Variants in MTRF1 observed in about 807,000 individuals in gnomAD.
The protein encoded by MTRF1 is mitochondrial translation release factor 1.
In MTRF1, 51 loss-of-function variants were observed where a neutral mutation model predicts 62.9. That is an observed-to-expected ratio of 0.81 (90% confidence interval 0.65 to 1.02). The LOEUF is 1.02. Among genes scored for constraint, MTRF1 ranks in the 50% least tolerant of loss-of-function variants. MTRF1 has a pLI of 0.00. For missense variants in MTRF1, 446 were observed against 530.0 expected, an observed-to-expected ratio of 0.84 and a Z score of 1.56; for synonymous variants, 158 against 181.9, an observed-to-expected ratio of 0.87 and a Z score of 1.06.
At chr13:41,256,536 G>A (rs903123723) in intron 2 of MTRF1, among the ~76,000 whole-genome samples, 26 of 151,992 alleles carry the variant, frequency 1.7e-4, no homozygotes, top group African/African-American at 6.3e-4. Flanking sequence ...CATGTTGGCA[G>A]GCTGGTCTTC....
chr13:41,266,767 T>C (rs1594104634), upstream of MTRF1, among the ~76,000 whole-genome samples: 1 of 151,808 alleles, frequency 6.6e-6, no homozygotes, highest in South Asian at 2.1e-4. Context: ...CCGAGGTGGG[T>C]GGATCACGAG....
At position 41,240,311 on chromosome 13, in the gene MTRF1, G is replaced by A. The variant is rs762389415; in HGVS notation, c.820C>T (p.Arg274Cys). 5.0e-6 allele frequency: 8 copies of A among 1,612,978 alleles called. No homozygotes were observed. The highest frequency in any genetic ancestry group is 2.2e-5 in the East Asian group (1 of 44,818). The change falls in exon 6 of 10, where the codon CGC becomes TGC. Residue 274 changes from arginine (R) to cysteine (C), a missense_variant. Physicochemically the swap from Arg to Cys is radical, Grantham distance 180. Transcript: ENST00000379480. ...PEVGLSSRMQ[R>C]IHTGTMSVIV... ...ACCGACATCGTTCCTGTGTGAATGC[G>A]CTGCATCCTTGAGGACAGGCCCACC...
At chr13:41,281,857 C>A in the MTRF1 span, among the ~76,000 whole-genome samples, 2 of 152,260 alleles carry the variant, frequency 1.3e-5, no homozygotes, top group Non-Finnish European at 2.9e-5. Flanking sequence ...TCTGCCCAGG[C>A]CGGGCACGGT....
At chr13:41,272,400 C>T in the MTRF1 span, among the ~76,000 whole-genome samples, 1 of 152,140 alleles carries the variant, frequency 6.6e-6, no homozygotes, top group Non-Finnish European at 1.5e-5. Flanking sequence ...AAACCAAGTG[C>T]ATGATTTTTT....
In MTRF1 at chr13:41,242,742, C is replaced by T. The variant is rs539445379; in HGVS notation, c.698-2309G>A. On this transcript the variant is annotated intron_variant, in intron 5 of 9. Transcript: ENST00000379480. ...GACAAGTTTCCACAGCCTTGGAAGA[C>T]AGAGATAGTGTCTCTTTCTAGAGCA... Among the ~76,000 whole-genome samples the T allele has an allele frequency of 5.9e-5, 9 of 152,218 alleles. No homozygotes were observed. The South Asian group carries it at 1.5e-3, about 25-fold the overall frequency.
chr13:41,246,727 A>T (rs1410213084), intron 5 of MTRF1, among the ~76,000 whole-genome samples: 2 of 152,240 alleles, frequency 1.3e-5, no homozygotes, highest in Non-Finnish European at 2.9e-5. Context: ...GAGTGATGCC[A>T]CAAATTTAAA....
the MTRF1 span, among the ~76,000 whole-genome samples, chr13:41,284,949 G>T: frequency 6.6e-6 from 1 of 152,156 alleles, no homozygotes; most frequent in African/African-American, 2.4e-5. Flanking sequence ...CACTGTGCCC[G>T]GCCTGTCAAC....
the MTRF1 span, among the ~76,000 whole-genome samples, chr13:41,285,435 C>A: frequency 6.6e-6 from 1 of 152,178 alleles, no homozygotes. Flanking sequence ...AGTGATTTCC[C>A]TGGATCACCC....
chr13:41,248,138 C>G (rs1025115114), intron 5 of MTRF1, among the ~76,000 whole-genome samples: 1 of 152,114 alleles, frequency 6.6e-6, no homozygotes, highest in Non-Finnish European at 1.5e-5. Context: ...CCCCTTCACT[C>G]GAGGTACTGT....
chr13:41,309,341 AGTGTGTGTGTGT>A, the MTRF1 span, among the ~76,000 whole-genome samples: 13 of 135,662 alleles, frequency 9.6e-5, no homozygotes, highest in East Asian at 2.2e-4. Flanking sequence ...ATGCCCAGCT[AGTGTGTGTGTGT>A]GTGTGTGTGT....
chr13:41,252,927 A>C (rs1416737830), intron 4 of MTRF1, 22 bp downstream of exon 4: 1 of 1,541,290 alleles, frequency 6.5e-7, no homozygotes, highest in East Asian at 2.2e-5. Context: ...GATCATTTAA[A>C]TAATAAAGTA....
rs1367695929 is a variant in MTRF1, at chr13:41,243,426, GACTCAA to G, written c.698-2999_698-2994del. On this transcript the variant is annotated intron_variant, in intron 5 of 9. Coordinates refer to ENST00000379480, the MANE Select transcript of MTRF1 (RefSeq NM_004294.4). ...TCTCAAAAAAAAAAAAAAAAAAAAA[GACTCAA>G]TTTCCTTAAGTTCAGTGCTCTTCTC... 2.6e-3 allele frequency among the ~76,000 whole-genome samples: 271 copies of G among 102,852 alleles called. 1 individual carries two copies. Among genetic ancestry groups the G allele is most frequent in the African/African-American group, 8.9e-3 (255 of 28,660 alleles). The allele number at this position is 102,852 out of a possible 152,430, so 67.5% of individuals were successfully genotyped here. A position where few individuals can be genotyped will look rare whatever the true frequency, so the allele number is the denominator to read the frequency against.
intron 5 of MTRF1, among the ~76,000 whole-genome samples, chr13:41,247,139 A>G (rs929023569): frequency 6.6e-6 from 1 of 152,246 alleles, no homozygotes; most frequent in Non-Finnish European, 1.5e-5. Flanking sequence ...CATGCAGAAC[A>G]TTTCGTACAG....
the MTRF1 span, among the ~76,000 whole-genome samples, chr13:41,276,780 G>A: frequency 6.6e-6 from 1 of 152,116 alleles, no homozygotes; most frequent in African/African-American, 2.4e-5. Flanking sequence ...TTCTGCTAAG[G>A]AGTAGACATA....
At chr13:41,253,952 T>C (rs2039397404) in intron 3 of MTRF1, among the ~76,000 whole-genome samples, 1 of 152,194 alleles carries the variant, frequency 6.6e-6, no homozygotes, top group Non-Finnish European at 1.5e-5. Flanking sequence ...TTCATTGTCT[T>C]TGTAGACAAA....
At chr13:41,296,578 TAAC>T in the MTRF1 span, among the ~76,000 whole-genome samples, 2 of 152,206 alleles carry the variant, frequency 1.3e-5, no homozygotes, top group African/African-American at 2.4e-5. Context: ...CATTGTCAAA[TAAC>T]AATAATATTA....
chr13:41,263,471 A>G lies in MTRF1; in HGVS notation c.-9+14T>C, dbSNP rs554598972. The G allele has an allele frequency of 2.1e-5, 7 of 335,522 alleles. No individual in the cohort carries two copies. The highest frequency in any genetic ancestry group is 1.5e-4 in the Admixed American group (4 of 27,464). The allele number at this position is 335,522 out of a possible 1,614,324, so 20.8% of individuals were successfully genotyped here. ...AGGAGGCGGCGGGGAAGATCAGGAA[A>G]GAACTGTGAGTACCTAAGAAAAAGA... On this transcript the variant is annotated intron_variant, in intron 1 of 9. Transcript: ENST00000379480.
At chr13:41,269,200 T>TTTTTG in the MTRF1 span, among the ~76,000 whole-genome samples, 1 of 64,488 alleles carries the variant, frequency 1.6e-5, no homozygotes, top group Non-Finnish European at 3.0e-5. Flanking sequence ...TTTTTTTTGG[T>TTTTTG]TTTTTTTTTT....
chr13:41,262,338 C>CAAAAAA (rs71200170), intron 1 of MTRF1: 1 of 100,382 alleles, frequency 1.0e-5, no homozygotes, highest in Non-Finnish European at 1.9e-5. Context: ...CACGCTGTCT[C>CAAAAAA]AAAAAAAAAA....
Sources: allele counts gnomAD v4.1 joint callset (sites outside exome capture counted in the v4.1 genomes callset), GRCh38; gene constraint gnomAD v4.1.1; transcripts MANE v1.5; gene names NCBI Gene and HGNC (gene_info 2026-07-23, HGNC 2026-07-21).